The following BLTP1 variants were observed in gnomAD, a reference collection of about 807,000 sequenced individuals.
BLTP1 encodes bridge-like lipid transfer protein family member 1, also known as fragile site-associated protein.
the BLTP1 span, chr4:122,174,222 T>A: frequency 8.1e-6 from 8 of 985,328 alleles, no homozygotes; most frequent in Non-Finnish European, 9.6e-6. Flanking sequence ...AGGCAATGGC[T>A]GGTTCCTGCA....
the BLTP1 span, among the ~76,000 whole-genome samples, chr4:122,300,544 C>G: frequency 6.6e-6 from 1 of 151,866 alleles, no homozygotes; most frequent in Non-Finnish European, 1.5e-5. Context: ...ATTTTCTGTT[C>G]TAGTAGAAAA....
chr4:122,268,778 TAAC>T, the BLTP1 span, among the ~76,000 whole-genome samples: 1 of 152,186 alleles, frequency 6.6e-6, no homozygotes, highest in Non-Finnish European at 1.5e-5. Context: ...GCAACACAAG[TAAC>T]TACATATTGT....
chr4:122,358,892 A>G, the BLTP1 span, among the ~76,000 whole-genome samples: 4 of 152,166 alleles, frequency 2.6e-5, no homozygotes, highest in African/African-American at 9.6e-5. Flanking sequence ...TACACTTTAT[A>G]TATAATTATT....
chr4:122,192,271 T>G, the BLTP1 span: 37 of 1,613,016 alleles, frequency 2.3e-5, no homozygotes, highest in African/African-American at 1.6e-4. Context: ...GAAGGAGAAA[T>G]GAGCAGTGAG....
the BLTP1 span, chr4:122,187,246 C>T: frequency 1.0e-6 from 1 of 980,580 alleles, no homozygotes; most frequent in Non-Finnish European, 1.2e-6. Context: ...AAGAGTGCTC[C>T]AGTAGACAGC....
At chr4:122,217,937 C>T in the BLTP1 span, among the ~76,000 whole-genome samples, 2 of 152,082 alleles carry the variant, frequency 1.3e-5, no homozygotes, top group South Asian at 2.1e-4. Context: ...CTGGTTTAAT[C>T]TAGGAGGGTT....
At chr4:122,299,779 G>T in the BLTP1 span, 2 of 984,038 alleles carry the variant, frequency 2.0e-6, no homozygotes, top group Non-Finnish European at 1.2e-6. Flanking sequence ...TGTAGGTAGG[G>T]TTATCAATGA....
the BLTP1 span, chr4:122,271,674 C>G: frequency 1.3e-6 from 2 of 1,597,986 alleles, no homozygotes; most frequent in Admixed American, 1.7e-5. Context: ...TCACTTATCT[C>G]CGATCCAACA....
chr4:122,163,641 A>C, the BLTP1 span, among the ~76,000 whole-genome samples: 2 of 152,254 alleles, frequency 1.3e-5, no homozygotes, highest in Non-Finnish European at 2.9e-5. Context: ...ACATCAACTT[A>C]TCAATTTACA....
chr4:122,300,824 C>A, the BLTP1 span: 1 of 657,768 alleles, frequency 1.5e-6, no homozygotes. Flanking sequence ...GATAGGCAGG[C>A]AGAATGTTTT....
the BLTP1 span, among the ~76,000 whole-genome samples, chr4:122,341,338 AT>A: frequency 1.3e-5 from 2 of 152,272 alleles, no homozygotes; most frequent in South Asian, 4.1e-4. Context: ...TTTAATTTTA[AT>A]CATTGTCAAT....
At chr4:122,197,110 T>G in the BLTP1 span, 3 of 748,698 alleles carry the variant, frequency 4.0e-6, no homozygotes, top group Non-Finnish European at 4.1e-6. Context: ...CATCAATAAT[T>G]TCTTCTGTAA....
At chr4:122,268,050 T>C in the BLTP1 span, among the ~76,000 whole-genome samples, 5 of 152,168 alleles carry the variant, frequency 3.3e-5, no homozygotes, top group African/African-American at 1.2e-4. Flanking sequence ...AATAGTCTTA[T>C]ACCATAACAA....
chr4:122,302,645 G>T, the BLTP1 span, among the ~76,000 whole-genome samples: 1 of 152,140 alleles, frequency 6.6e-6, no homozygotes, highest in African/African-American at 2.4e-5. Context: ...GCCAAGACAG[G>T]CTGAAAGCTA....
chr4:122,348,528 T>A, the BLTP1 span: 1 of 1,522,098 alleles, frequency 6.6e-7, no homozygotes, highest in African/African-American at 1.4e-5. Context: ...AGCTTGGCAT[T>A]TATGTGAATG....
chr4:122,217,463 A>G, the BLTP1 span, among the ~76,000 whole-genome samples: 1 of 151,688 alleles, frequency 6.6e-6, no homozygotes, highest in Admixed American at 6.6e-5. Flanking sequence ...GGTCATTTTC[A>G]CAATATTGAT....
chr4:122,240,382 A>C, the BLTP1 span: 1 of 1,558,514 alleles, frequency 6.4e-7, no homozygotes, highest in Non-Finnish European at 8.7e-7. Flanking sequence ...GTTTCCATTG[A>C]TATCTTGATT....
the BLTP1 span, among the ~76,000 whole-genome samples, chr4:122,341,075 A>G: frequency 2.0e-5 from 3 of 152,266 alleles, no homozygotes; most frequent in Non-Finnish European, 4.4e-5. Flanking sequence ...TGTTTGGATC[A>G]TATACTTGAG....
the BLTP1 span, chr4:122,299,779 G>A: frequency 8.1e-6 from 8 of 984,038 alleles, no homozygotes; most frequent in East Asian, 2.3e-4. Context: ...TGTAGGTAGG[G>A]TTATCAATGA....
Sources: allele counts gnomAD v4.1 joint callset (sites outside exome capture counted in the v4.1 genomes callset), GRCh38; gene constraint gnomAD v4.1.1; transcripts MANE v1.5; gene names NCBI Gene and HGNC (gene_info 2026-07-23, HGNC 2026-07-21).